Variants in DMRT1 observed in about 807,000 individuals in gnomAD.
DMRT1 encodes doublesex- and mab-3-related transcription factor 1.
Under a neutral mutation model 32.3 loss-of-function variants are expected in DMRT1, and 7 were observed. The ratio of observed to expected loss-of-function variants is 0.22; its 90% confidence interval spans 0.12 to 0.41. The LOEUF (loss-of-function observed/expected upper bound fraction) is 0.41, where lower values mean the gene tolerates loss of function less well. DMRT1 is among the 10% of genes least tolerant of loss of function. The probability of loss-of-function intolerance (pLI) is 1.00; values close to 1 mark genes in which losing one functional copy is unlikely to be tolerated. For missense variants in DMRT1, 625 were observed against 500.5 expected (o/e 1.25, Z -2.37); for synonymous variants, 278 against 206.1 (o/e 1.35, Z -2.99).
At chr9:888,702 G>A (rs181870043) in intron 2 of DMRT1, among the ~76,000 whole-genome samples, 1 of 141,102 alleles carries the variant, frequency 7.1e-6, no homozygotes, top group African/African-American at 2.8e-5. Flanking sequence ...TGGAGCAGTT[G>A]TTAATAGTCA....
chr9:952,079 T>C (rs187813165), intron 4 of DMRT1, among the ~76,000 whole-genome samples: 24 of 150,832 alleles, frequency 1.6e-4, no homozygotes, highest in African/African-American at 5.5e-4. Context: ...TTGCCCAGGG[T>C]CCCATAACTA....
In DMRT1 at chr9:968,168, T is replaced by G. The variant is rs746274008; in HGVS notation, c.*29T>G. 1.2e-6 allele frequency: 2 copies of G among 1,613,276 alleles called. No homozygotes were observed. Among genetic ancestry groups the G allele is most frequent in the Non-Finnish European group, 1.7e-6 (2 of 1,179,860 alleles). ...GTGCCTGCTGCCGATGGCGGTTCAC[T>G]TGGAGTAACAGGCTTATTCCACTTT... is the stretch of plus-strand genomic sequence containing the variant. On this transcript the variant is annotated 3_prime_UTR_variant, in exon 5 of 5. Coordinates refer to ENST00000382276, the MANE Select transcript of DMRT1 (RefSeq NM_021951.3).
intron 2 of DMRT1, among the ~76,000 whole-genome samples, chr9:859,742 T>C (rs1815571055): frequency 6.6e-6 from 1 of 152,188 alleles, no homozygotes; most frequent in Admixed American, 6.5e-5. Context: ...CCACTGAACA[T>C]GCTTTCCAGA....
At chr9:934,082 C>T (rs1818810443) in intron 4 of DMRT1, among the ~76,000 whole-genome samples, 1 of 151,950 alleles carries the variant, frequency 6.6e-6, no homozygotes, top group Non-Finnish European at 1.5e-5. Context: ...TGATCTCAGT[C>T]CAAGAATAGT....
intron 2 of DMRT1, among the ~76,000 whole-genome samples, chr9:871,478 ATG>A (rs1564211971): frequency 7.1e-6 from 1 of 140,546 alleles, no homozygotes; most frequent in Admixed American, 7.1e-5. Context: ...GACTACAGGC[ATG>A]CGCCACCACG....
chr9:949,990 C>G (rs1053106495), intron 4 of DMRT1, among the ~76,000 whole-genome samples: 2 of 152,160 alleles, frequency 1.3e-5, no homozygotes, highest in African/African-American at 4.8e-5. Flanking sequence ...CCATGCATTC[C>G]TTGGGTACTG....
rs77158142 is a variant in DMRT1 at position 935,503 on chromosome 9, G to C, written c.967+18596G>C. ...GTCAGCCTGTCTGAGTCTGACTCCA[G>C]TGCTAAGCACTTTTCTGATGAGCGA... On this transcript the variant is annotated intron_variant, in intron 4 of 4. Transcript: ENST00000382276. 1.2e-4 allele frequency among the ~76,000 whole-genome samples: 18 copies of C among 152,336 alleles called. No individual in the cohort carries two copies. In the East Asian group the frequency reaches 3.5e-3, roughly 29 times the overall value.
At chr9:880,297 C>G (rs1340787787) in intron 2 of DMRT1, among the ~76,000 whole-genome samples, 2 of 152,160 alleles carry the variant, frequency 1.3e-5, no homozygotes, top group Non-Finnish European at 2.9e-5. Context: ...GACGTGTACT[C>G]TGAGGTACAG....
intron 2 of DMRT1, among the ~76,000 whole-genome samples, chr9:879,202 T>G (rs1816633462): frequency 6.6e-6 from 1 of 152,124 alleles, no homozygotes; most frequent in Non-Finnish European, 1.5e-5. Flanking sequence ...TTGCAGAATC[T>G]CTCTACAACC....
At chr9:908,824 C>T (rs539306716) in intron 3 of DMRT1, among the ~76,000 whole-genome samples, 15 of 152,112 alleles carry the variant, frequency 9.9e-5, no homozygotes, top group Middle Eastern at 3.2e-3. Context: ...CCACTCCTCC[C>T]CCGTTTTCCC....
At chr9:953,893 A>G (rs1276857397) in intron 4 of DMRT1, among the ~76,000 whole-genome samples, 1 of 152,238 alleles carries the variant, frequency 6.6e-6, no homozygotes, top group Admixed American at 6.5e-5. Flanking sequence ...AGATAGAACC[A>G]TAACATGGTC....
chr9:897,396 G>A (rs1817414033), intron 3 of DMRT1, among the ~76,000 whole-genome samples: 2 of 151,888 alleles, frequency 1.3e-5, no homozygotes, highest in Admixed American at 6.6e-5. Flanking sequence ...GATTACAGGC[G>A]TGAGGGAATC....
chr9:918,399 C>G (rs1207305757), intron 4 of DMRT1, among the ~76,000 whole-genome samples: 1 of 152,046 alleles, frequency 6.6e-6, no homozygotes, highest in Non-Finnish European at 1.5e-5. Flanking sequence ...CAGAGCAAGG[C>G]AGTAAGACAA....
At chr9:911,244 A>G (rs1817964278) in intron 3 of DMRT1, among the ~76,000 whole-genome samples, 1 of 152,080 alleles carries the variant, frequency 6.6e-6, no homozygotes, top group Non-Finnish European at 1.5e-5. Context: ...CCTTGTCACA[A>G]TCAAAAGCGT....
intron 2 of DMRT1, among the ~76,000 whole-genome samples, chr9:858,871 ATATATATAT>A (rs1373973100): frequency 2.6e-3 from 89 of 34,798 alleles, no homozygotes; most frequent in African/African-American, 7.8e-3. Flanking sequence ...AAAAAAAAAA[ATATATATAT>A]ATATATATAT....
In DMRT1 at chr9:955,042, G is replaced by C. The variant is rs1277975836; in HGVS notation, c.968-12943G>C. Among the ~76,000 whole-genome samples the C allele has an allele frequency of 2.6e-5, 4 of 152,360 alleles. No individual in the cohort carries two copies. The East Asian group carries it at 7.7e-4, about 29-fold the overall frequency. On this transcript the variant is annotated intron_variant, in intron 4 of 4. Transcript: ENST00000382276. Reference sequence around the variant, plus strand: ...GCAATGAGGTGATATTTAAAGCCTTGTGTGACAAAAGAGAACCCAGTTCAG... The same window carrying C: ...GCAATGAGGTGATATTTAAAGCCTTCTGTGACAAAAGAGAACCCAGTTCAG...
chr9:892,219 C>G lies in DMRT1; in HGVS notation c.539-1693C>G, dbSNP rs1002891301. Among the ~76,000 whole-genome samples the G allele has an allele frequency of 4.6e-5, 7 of 152,334 alleles. No individual in the cohort carries two copies. The East Asian group carries it at 1.2e-3, about 25-fold the overall frequency. ...CTGCTTGCTCTGTGATTCAAGTCAG[C>G]TTTAACCTCTGTGACGTTGTATTCT... On this transcript the variant is annotated intron_variant, in intron 2 of 4. Coordinates refer to ENST00000382276, the MANE Select transcript of DMRT1 (RefSeq NM_021951.3).
At chr9:961,055 A>G (rs960045209) in intron 4 of DMRT1, among the ~76,000 whole-genome samples, 5 of 152,096 alleles carry the variant, frequency 3.3e-5, no homozygotes, top group Admixed American at 6.6e-5. Context: ...TGTATCCCCA[A>G]TTTTACACAT....
intron 2 of DMRT1, among the ~76,000 whole-genome samples, chr9:872,130 C>A (rs981059164): frequency 6.6e-6 from 1 of 151,068 alleles, no homozygotes; most frequent in South Asian, 2.1e-4. Context: ...GGCTTGATTT[C>A]GGCTCACTGC....
Sources: gnomAD v4.1 joint callset for allele counts (sites outside exome capture counted in the v4.1 genomes callset) on GRCh38, gnomAD v4.1.1 for gene constraint, MANE v1.5 for transcripts, NCBI Gene and HGNC (gene_info 2026-07-23, HGNC 2026-07-21) for gene names.